Variants in PITPNC1 observed in about 807,000 individuals in gnomAD.
PITPNC1 encodes the protein cytoplasmic phosphatidylinositol transfer protein 1.
Under a neutral mutation model 44.7 loss-of-function variants are expected in PITPNC1, and 18 were observed. The ratio of observed to expected loss-of-function variants is 0.40; its 90% CI spans 0.28 to 0.60. PITPNC1 has a LOEUF of 0.60. Among genes scored for constraint, PITPNC1 ranks in the 20% least tolerant of loss-of-function variants. The probability of loss-of-function intolerance (pLI) is 0.39; values close to 1 mark genes in which losing one functional copy is unlikely to be tolerated. For missense variants in PITPNC1, 290 were observed against 418.4 expected (o/e 0.69, Z 2.68); for synonymous variants, 141 against 149.6 (o/e 0.94, Z 0.42).
chr17:67,391,632 C>T (rs546137520), intron 1 of PITPNC1, among the ~76,000 whole-genome samples: 29 of 152,144 alleles, frequency 1.9e-4, no homozygotes, highest in South Asian at 6.2e-4. Flanking sequence ...AGGTACCCAC[C>T]GCCACGCCCG....
chr17:67,610,334 G>C (rs551698201), intron 5 of PITPNC1, among the ~76,000 whole-genome samples: 21 of 152,290 alleles, frequency 1.4e-4, no homozygotes, highest in Non-Finnish European at 1.5e-5. Flanking sequence ...TGCCCCTCAG[G>C]CTCTGTGGTC....
chr17:67,445,884 A>G (rs1365352984), intron 1 of PITPNC1, among the ~76,000 whole-genome samples: 1 of 152,046 alleles, frequency 6.6e-6, no homozygotes, highest in Non-Finnish European at 1.5e-5. Context: ...TTTGGAGCAT[A>G]GGGCTTAAAT....
chr17:67,528,797 G>A (rs2040423588), intron 1 of PITPNC1, among the ~76,000 whole-genome samples: 2 of 152,152 alleles, frequency 1.3e-5, no homozygotes. Context: ...ATTTTTAGGA[G>A]TGTCTCTGGA....
intron 1 of PITPNC1, among the ~76,000 whole-genome samples, chr17:67,464,770 C>T (rs1248369537): frequency 1.3e-5 from 2 of 150,128 alleles, no homozygotes; most frequent in Admixed American, 1.3e-4. Context: ...GACAGAGTCT[C>T]ACTCTGTCAC....
chr17:67,673,540 G>A (rs886794552), intron 7 of PITPNC1, among the ~76,000 whole-genome samples: 2 of 152,012 alleles, frequency 1.3e-5, no homozygotes, highest in Non-Finnish European at 2.9e-5. Context: ...TCTAGTTCAG[G>A]TCTCTTTTTT....
chr17:67,636,801 G>A (rs528440648), intron 6 of PITPNC1, among the ~76,000 whole-genome samples: 43 of 152,218 alleles, frequency 2.8e-4, no homozygotes, highest in African/African-American at 7.2e-4. Context: ...AGGAACAACC[G>A]ATTCAGAAGG....
chr17:67,547,952 C>T (rs2040707175), intron 2 of PITPNC1, among the ~76,000 whole-genome samples: 1 of 152,172 alleles, frequency 6.6e-6, no homozygotes, highest in African/African-American at 2.4e-5. Context: ...TCTTTATTTG[C>T]TGTGGTGGTG....
intron 6 of PITPNC1, among the ~76,000 whole-genome samples, chr17:67,654,307 G>C (rs1320429261): frequency 6.6e-6 from 1 of 152,128 alleles, no homozygotes; most frequent in Admixed American, 6.6e-5. Context: ...GCCCACCCAG[G>C]CTTTCACTCA....
chr17:67,660,724 T>C (rs2042334026), intron 6 of PITPNC1, among the ~76,000 whole-genome samples: 1 of 151,656 alleles, frequency 6.6e-6, no homozygotes, highest in Admixed American at 6.6e-5. Flanking sequence ...TTTTGTAGTT[T>C]TAGTAGAGAT....
chr17:67,610,013 T>C lies in PITPNC1; in HGVS notation c.367-22130T>C, dbSNP rs551637310. Among the ~76,000 whole-genome samples the C allele has an allele frequency of 3.3e-5, 5 of 152,206 alleles. 1 individual carries two copies. The East Asian group carries it at 9.7e-4, about 29-fold the overall frequency. On this transcript the variant is annotated intron_variant, in intron 5 of 8. Coordinates refer to ENST00000581322, the MANE Select transcript of PITPNC1 (RefSeq NM_012417.4). ...CCAGGGAATCCACGTAGACTTCAAA[T>C]CTGATCATTTTCACAGTGACTGGCA... is the stretch of plus-strand genomic sequence containing the variant.
intron 1 of PITPNC1, among the ~76,000 whole-genome samples, chr17:67,394,860 A>C (rs1159053277): frequency 1.3e-5 from 2 of 151,658 alleles, no homozygotes; most frequent in African/African-American, 2.4e-5. Context: ...GTGCCACTGC[A>C]CTCTAGCCTG....
chr17:67,602,784 TA>T (rs2041559149), intron 5 of PITPNC1, among the ~76,000 whole-genome samples: 1 of 152,118 alleles, frequency 6.6e-6, no homozygotes, highest in East Asian at 1.9e-4. Context: ...TCGCCCAGGT[TA>T]GAGTGCAGTG....
intron 1 of PITPNC1, among the ~76,000 whole-genome samples, chr17:67,449,775 A>T (rs1279199240): frequency 6.6e-6 from 1 of 152,214 alleles, no homozygotes; most frequent in Non-Finnish European, 1.5e-5. Flanking sequence ...TTAAAAGGTT[A>T]ATTCTTTGAT....
chr17:67,669,449 A>C, intron 6 of PITPNC1, 59 bp from the exon 7 acceptor site: 1 of 1,224,474 alleles, frequency 8.2e-7, no homozygotes, highest in South Asian at 1.5e-5. Flanking sequence ...TATTCCTGAC[A>C]TTTAATAATG....
At chr17:67,644,332 G>A (rs767408946) in intron 6 of PITPNC1, among the ~76,000 whole-genome samples, 33 of 151,624 alleles carry the variant, frequency 2.2e-4, no homozygotes, top group Non-Finnish European at 1.6e-4. Context: ...AAAGAAGGAA[G>A]CAAGAGCTGA....
chr17:67,495,059 T>G lies in PITPNC1; in HGVS notation c.49-37743T>G, dbSNP rs544558707. On this transcript the variant is annotated intron_variant, in intron 1 of 8. Coordinates refer to ENST00000581322, the MANE Select transcript of PITPNC1 (RefSeq NM_012417.4). ...GGAGTTGTTTTTTTTTTTGTTTTTT[T>G]TTTTTTTTTTTTTTTGAGACGGAGT... Among the ~76,000 whole-genome samples, 228 of 103,302 alleles carry G rather than the reference T, an allele frequency of 2.2e-3. 9 individuals are homozygous for G. In the South Asian group the frequency reaches 0.04, roughly 18 times the overall value. 67.8% of individuals were successfully genotyped at this position (103,302 alleles called of 152,430 possible). A position where few individuals can be genotyped will look rare whatever the true frequency, so the allele number is the denominator to read the frequency against.
intron 1 of PITPNC1, among the ~76,000 whole-genome samples, chr17:67,411,489 T>C (rs770230640): frequency 5.3e-5 from 8 of 151,928 alleles, no homozygotes; most frequent in Non-Finnish European, 8.8e-5. Flanking sequence ...TGGAAAGTGC[T>C]CCACCTGGGA....
Position 67,675,559 on chromosome 17 carries a change from A to G in PITPNC1, c.682+17A>G. 6.4e-7 allele frequency: 1 copy of G among 1,551,068 alleles called. No individual in the cohort carries two copies. The highest frequency in any genetic ancestry group is 8.9e-7 in the Non-Finnish European group (1 of 1,122,634). On this transcript the variant is annotated intron_variant, in intron 8 of 8. Coordinates refer to ENST00000581322, the MANE Select transcript of PITPNC1 (RefSeq NM_012417.4). ...AGTGGTATGGTAAGTCAATTTCTCC[A>G]AAATAACTTGTAGAACAACTTCATG...
At chr17:67,429,995 G>C (rs1431232806) in intron 1 of PITPNC1, among the ~76,000 whole-genome samples, 14 of 152,182 alleles carry the variant, frequency 9.2e-5, no homozygotes, top group Non-Finnish European at 1.6e-4. Context: ...CAGTGTAGTG[G>C]AAACAGCCTT....
Sources: allele counts gnomAD v4.1 joint callset (sites outside exome capture counted in the v4.1 genomes callset), GRCh38; gene constraint gnomAD v4.1.1; transcripts MANE v1.5; gene names NCBI Gene and HGNC (gene_info 2026-07-23, HGNC 2026-07-21).